The following RASA2 variants were observed in gnomAD, a reference collection of about 807,000 sequenced individuals.
RASA2 encodes the protein ras GTPase-activating protein 2.
A neutral mutation model predicts 118.2 loss-of-function variants in RASA2; 155 were observed. That is an observed-to-expected ratio of 1.31 (90% CI 1.15 to 1.50). The LOEUF (loss-of-function observed/expected upper bound fraction) is 1.50. RASA2 is among the 40% of genes most tolerant of loss of function. The pLI is 0.00. For missense variants in RASA2, 1,016 were observed against 1,009.6 expected (o/e 1.01, Z -0.09); for synonymous variants, 353 against 349.1 (o/e 1.01, Z -0.12).
At chr3:141,587,012 C>T (rs75598724) in intron 19 of RASA2, 4 of 467,410 alleles carry the variant, frequency 8.6e-6, no homozygotes, top group East Asian at 4.5e-5. Context: ...CCATAGTAAT[C>T]CATACTGTTA....
intron 4 of RASA2, among the ~76,000 whole-genome samples, chr3:141,536,740 A>G (rs2082332400): frequency 1.3e-5 from 2 of 151,998 alleles, no homozygotes; most frequent in Non-Finnish European, 2.9e-5. Context: ...TTTATTATCA[A>G]ACATAGTACC....
chr3:141,539,592 C>T (rs1242393838), intron 4 of RASA2, among the ~76,000 whole-genome samples: 3 of 152,184 alleles, frequency 2.0e-5, no homozygotes, highest in Non-Finnish European at 2.9e-5. Flanking sequence ...AAATCACTCA[C>T]GTCATCAGTC....
rs544491640 is a variant in RASA2, at chr3:141,488,283, G to A, written c.133+1067G>A. ...AAATTAGCATTATTTTCTTCATGCA[G>A]TATTCTCAGATTGGAAACATGCTTC... is the stretch of plus-strand genomic sequence containing the variant. On this transcript the variant is annotated intron_variant, in intron 1 of 23. Coordinates refer to ENST00000286364, the MANE Select transcript of RASA2 (RefSeq NM_006506.5). Among the ~76,000 whole-genome samples, 10 of 152,164 alleles carry A rather than the reference G, an allele frequency of 6.6e-5. No individual in the cohort carries two copies. In the East Asian group the frequency reaches 1.5e-3, roughly 24 times the overall value.
intron 3 of RASA2, among the ~76,000 whole-genome samples, chr3:141,521,976 C>T (rs2151088564): frequency 6.6e-6 from 1 of 151,150 alleles, no homozygotes; most frequent in Admixed American, 6.6e-5. Flanking sequence ...GTAGATTAAA[C>T]ACTGACACAG....
At chr3:141,519,186 A>G (rs1408165876) in intron 3 of RASA2, among the ~76,000 whole-genome samples, 1 of 152,200 alleles carries the variant, frequency 6.6e-6, no homozygotes, top group Non-Finnish European at 1.5e-5. Flanking sequence ...TCATACTAAT[A>G]TGGACGACAT....
chr3:141,527,779 G>A (rs1182511915), intron 3 of RASA2, among the ~76,000 whole-genome samples: 2 of 151,926 alleles, frequency 1.3e-5, no homozygotes, highest in Non-Finnish European at 2.9e-5. Flanking sequence ...GCAGTTTAAG[G>A]AACATTTGAG....
chr3:141,489,793 C>T (rs1447467402), intron 1 of RASA2, among the ~76,000 whole-genome samples: 6 of 152,050 alleles, frequency 3.9e-5, no homozygotes, highest in Admixed American at 2.0e-4. Context: ...ATTATTTCCC[C>T]TTATACTTCA....
intron 1 of RASA2, among the ~76,000 whole-genome samples, chr3:141,508,877 T>G (rs1477421377): frequency 6.6e-6 from 1 of 152,116 alleles, no homozygotes; most frequent in Non-Finnish European, 1.5e-5. Context: ...CTAGAGTTCA[T>G]GAGGCCCTGA....
intron 5 of RASA2, among the ~76,000 whole-genome samples, chr3:141,541,773 T>C (rs530255684): frequency 6.6e-6 from 1 of 152,158 alleles, no homozygotes; most frequent in African/African-American, 2.4e-5. Context: ...TTTTTTGCTT[T>C]TCTTTGATTG....
intron 1 of RASA2, among the ~76,000 whole-genome samples, chr3:141,507,351 TA>T (rs762737416): frequency 1.1e-4 from 17 of 152,198 alleles, no homozygotes; most frequent in Non-Finnish European, 2.1e-4. Context: ...GAAAGAGCTT[TA>T]ATAAAAAAAT....
chr3:141,562,194 C>T (rs1290509575), intron 9 of RASA2, among the ~76,000 whole-genome samples: 5 of 151,538 alleles, frequency 3.3e-5, no homozygotes, highest in East Asian at 2.0e-4. Context: ...CCTCGTGATC[C>T]GCCCACTTCG....
chr3:141,516,549 TG>T (rs1445173056), intron 3 of RASA2, 118 bp downstream of exon 3: 1 of 773,200 alleles, frequency 1.3e-6, no homozygotes, highest in Non-Finnish European at 1.7e-6. Context: ...GATCTTTTTC[TG>T]TAGACTACAT....
At chr3:141,553,266 G>A (rs1204835219) in intron 5 of RASA2, among the ~76,000 whole-genome samples, 1 of 152,058 alleles carries the variant, frequency 6.6e-6, no homozygotes, top group Non-Finnish European at 1.5e-5. Context: ...TCTCATTTAG[G>A]GTTTGCACCA....
At chr3:141,523,817 C>T (rs1041806699) in intron 3 of RASA2, among the ~76,000 whole-genome samples, 1 of 152,178 alleles carries the variant, frequency 6.6e-6, no homozygotes, top group Non-Finnish European at 1.5e-5. Context: ...GACCTGAATA[C>T]CAGTCATGAC....
intron 17 of RASA2, among the ~76,000 whole-genome samples, chr3:141,583,112 T>A (rs1277234866): frequency 6.6e-6 from 1 of 152,170 alleles, no homozygotes; most frequent in Non-Finnish European, 1.5e-5. Flanking sequence ...TACCCCATAG[T>A]TCCTTAAGAA....
At chr3:141,579,210 T>A (rs532276171) in intron 15 of RASA2, among the ~76,000 whole-genome samples, 43 of 152,312 alleles carry the variant, frequency 2.8e-4, no homozygotes, top group African/African-American at 1.0e-3. Flanking sequence ...TGTTTTTAGA[T>A]GCAAGATACT....
intron 5 of RASA2, among the ~76,000 whole-genome samples, chr3:141,541,773 T>G (rs530255684): frequency 6.6e-6 from 1 of 152,040 alleles, no homozygotes; most frequent in Non-Finnish European, 1.5e-5. Context: ...TTTTTTGCTT[T>G]TCTTTGATTG....
Position 141,586,733 on chromosome 3 carries a change from C to T in RASA2, c.1914C>T (p.Leu638=), listed in dbSNP as rs138963413. Residue 638 remains leucine, a synonymous_variant, in exon 19 of 24, where the codon CTC becomes CTT. Transcript: ENST00000286364. ...KRWFCLTSRE[L]TYHKQPGKDA... Reference sequence around the variant, plus strand: ...GGTTCTGCTTAACAAGCAGAGAGCTCACCTACCACAAACAGCCAGGTAGTT... The same window carrying T: ...GGTTCTGCTTAACAAGCAGAGAGCTTACCTACCACAAACAGCCAGGTAGTT... 1.3e-5 allele frequency: 21 copies of T among 1,612,276 alleles called. No homozygotes were observed. The highest frequency in any genetic ancestry group is 9.4e-5 in the African/African-American group (7 of 74,846).
intron 1 of RASA2, among the ~76,000 whole-genome samples, chr3:141,496,778 C>A (rs1275702134): frequency 2.0e-5 from 3 of 152,130 alleles, no homozygotes; most frequent in Non-Finnish European, 4.4e-5. Context: ...GGATCTAGAA[C>A]TAGAAATACC....
Sources: gnomAD v4.1 joint callset for allele counts (sites outside exome capture counted in the v4.1 genomes callset) on GRCh38, gnomAD v4.1.1 for gene constraint, MANE v1.5 for transcripts, NCBI Gene and HGNC (gene_info 2026-07-23, HGNC 2026-07-21) for gene names.